The following ITGB6 variants were observed in gnomAD, a reference collection of about 807,000 sequenced individuals.
ITGB6 encodes the protein integrin subunit beta 6.
A neutral mutation model predicts 84.5 loss-of-function variants in ITGB6; 80 were observed. The ratio of observed to expected loss-of-function variants is 0.95; its 90% CI spans 0.79 to 1.14. The LOEUF (loss-of-function observed/expected upper bound fraction) is 1.14, where lower values mean the gene tolerates loss of function less well. Ranked by LOEUF, ITGB6 falls within the 50% of genes most tolerant of loss-of-function variation. The pLI, the probability that ITGB6 is intolerant of heterozygous loss-of-function variation, is 0.00. For synonymous variants in ITGB6, 383 were observed against 354.9 expected (o/e 1.08, Z -0.89); for missense variants, 1,006 against 968.0 (o/e 1.04, Z -0.52).
In ITGB6 at chr2:160,137,820, T is replaced by C. The variant is rs1460296616; in HGVS notation, c.1274A>G (p.His425Arg). Residue 425 changes from histidine to arginine, a missense_variant, in exon 10 of 15, where the codon CAC becomes CGC. Coordinates refer to ENST00000283249, the MANE Select transcript of ITGB6 (RefSeq NM_000888.5). ...ASFSVTVNIP[H>R]CERRSRHIII... ...AATGTGCCTGCTTCTTCTCTCGCAGTGTGGGATATTCACAGTCACGCTGAA... is the reference window on the plus strand; with the variant it reads ...AATGTGCCTGCTTCTTCTCTCGCAGCGTGGGATATTCACAGTCACGCTGAA... 1.2e-6 allele frequency: 2 copies of C among 1,614,004 alleles called. No homozygotes were observed. The highest frequency in any genetic ancestry group is 1.7e-6 in the Non-Finnish European group (2 of 1,180,006).
At chr2:160,131,579 GACCATTTGTTA>G (rs1256329393) in intron 10 of ITGB6, among the ~76,000 whole-genome samples, 2 of 152,218 alleles carry the variant, frequency 1.3e-5, no homozygotes, top group East Asian at 3.9e-4. Flanking sequence ...GGTACTCCAT[GACCATTTGTTA>G]ACCATTTGTT....
intron 10 of ITGB6, among the ~76,000 whole-genome samples, chr2:160,132,731 T>C (rs1215819967): frequency 6.6e-6 from 1 of 151,658 alleles, no homozygotes; most frequent in Non-Finnish European, 1.5e-5. Context: ...TATGTGTGCA[T>C]ATATATATAA....
intron 5 of ITGB6, among the ~76,000 whole-genome samples, chr2:160,173,586 T>C (rs958679171): frequency 6.6e-6 from 1 of 152,260 alleles, no homozygotes; most frequent in Non-Finnish European, 1.5e-5. Flanking sequence ...ACAATAGCTA[T>C]GTAGTCATAT....
chr2:160,112,655 A>G (rs980123467), intron 12 of ITGB6, among the ~76,000 whole-genome samples: 7 of 152,234 alleles, frequency 4.6e-5, no homozygotes. Context: ...ATTGCTGGCC[A>G]TGTATTGTGG....
chr2:160,146,424 G>A (rs1684190210), intron 7 of ITGB6, among the ~76,000 whole-genome samples: 1 of 151,954 alleles, frequency 6.6e-6, no homozygotes, highest in Non-Finnish European at 1.5e-5. Flanking sequence ...TTTATTTTAT[G>A]CTCACAGCAC....
intron 6 of ITGB6, among the ~76,000 whole-genome samples, chr2:160,169,817 T>C (rs1285397369): frequency 6.6e-6 from 1 of 152,216 alleles, no homozygotes; most frequent in East Asian, 1.9e-4. Context: ...GTACTAATCC[T>C]TGGGTTTGGT....
At position 160,112,051 on chromosome 2, in the gene ITGB6, C is replaced by T. The variant is rs1682541735; in HGVS notation, c.2101+29G>A. Reference sequence around the variant, plus strand: ...CTCTTCTCCTGTGTAGTATCATTTGCCATCGGCAATGGAAGGCAAAACACC... The same window carrying T: ...CTCTTCTCCTGTGTAGTATCATTTGTCATCGGCAATGGAAGGCAAAACACC... On this transcript the variant is annotated intron_variant, in intron 13 of 14. Coordinates refer to ENST00000283249, the MANE Select transcript of ITGB6 (RefSeq NM_000888.5). 14 of 1,608,812 alleles carry T rather than the reference C, an allele frequency of 8.7e-6. No homozygotes were observed. In the East Asian group the frequency reaches 2.7e-4, roughly 31 times the overall value.
chr2:160,120,687 A>G lies in ITGB6; in HGVS notation c.1981+3104T>C, dbSNP rs1343791764. ...TATAATTAAAAAAAAAAAAAAAAAA[A>G]AAAGAAAATGTGGCACACATACACC... On this transcript the variant is annotated intron_variant, in intron 12 of 14. Coordinates refer to ENST00000283249, the MANE Select transcript of ITGB6 (RefSeq NM_000888.5). 6.3e-4 allele frequency among the ~76,000 whole-genome samples: 26 copies of G among 41,220 alleles called. 9 individuals carry two copies. The highest frequency in any genetic ancestry group is 1.1e-3 in the South Asian group (2 of 1,890). The allele number at this position is 41,220 out of a possible 152,430, so 27.0% of individuals were successfully genotyped here.
chr2:160,135,044 G>T (rs1463873735), intron 10 of ITGB6, among the ~76,000 whole-genome samples: 7 of 152,206 alleles, frequency 4.6e-5, no homozygotes, highest in Admixed American at 3.3e-4. Context: ...AGTGTTGGAA[G>T]TTCTGGTCAG....
At chr2:160,108,666 G>T (rs903865064) in intron 13 of ITGB6, among the ~76,000 whole-genome samples, 1 of 152,142 alleles carries the variant, frequency 6.6e-6, no homozygotes, top group Admixed American at 6.6e-5. Flanking sequence ...GATTCAGTGG[G>T]TCTTGGATAA....
In ITGB6 at chr2:160,175,681, T is replaced by G. The variant is rs1308265476; in HGVS notation, c.594-1542A>C. Among the ~76,000 whole-genome samples the G allele has an allele frequency of 4.6e-5, 7 of 152,346 alleles. No homozygotes were observed. In the South Asian group the frequency reaches 1.4e-3, roughly 32 times the overall value. On this transcript the variant is annotated intron_variant, in intron 4 of 14. Coordinates refer to ENST00000283249, the MANE Select transcript of ITGB6 (RefSeq NM_000888.5). ...GAAAATAAGCTGTGTGAGACAAGCT[T>G]CATTCAGGCATGAGTTATAGTGCCT... is the stretch of plus-strand genomic sequence containing the variant.
intron 12 of ITGB6, among the ~76,000 whole-genome samples, chr2:160,122,930 C>T (rs1683098564): frequency 6.6e-6 from 1 of 152,202 alleles, no homozygotes; most frequent in South Asian, 2.1e-4. Flanking sequence ...TGAGCTACAT[C>T]TTGGCCACAT....
intron 2 of ITGB6, among the ~76,000 whole-genome samples, chr2:160,198,747 A>G (rs1003572803): frequency 5.9e-5 from 9 of 152,238 alleles, no homozygotes; most frequent in African/African-American, 2.2e-4. Flanking sequence ...CACATCCCTT[A>G]GAATCTAGCA....
intron 7 of ITGB6, among the ~76,000 whole-genome samples, chr2:160,160,990 G>A (rs1328305772): frequency 1.2e-4 from 19 of 152,034 alleles, no homozygotes. Flanking sequence ...TCACCAAAGG[G>A]GCAATTTCAG....
chr2:160,154,905 C>A (rs955456377), intron 7 of ITGB6, among the ~76,000 whole-genome samples: 1 of 152,140 alleles, frequency 6.6e-6, no homozygotes, highest in African/African-American at 2.4e-5. Context: ...ATTGTAATCC[C>A]CAATGTTGGA....
At chr2:160,134,625 T>C (rs191213707) in intron 10 of ITGB6, among the ~76,000 whole-genome samples, 2 of 152,304 alleles carry the variant, frequency 1.3e-5, no homozygotes, top group Non-Finnish European at 2.9e-5. Flanking sequence ...TAGACGAATA[T>C]CCCTGATGAA....
At chr2:160,167,748 G>T (rs944132013) in intron 7 of ITGB6, among the ~76,000 whole-genome samples, 3 of 152,122 alleles carry the variant, frequency 2.0e-5, no homozygotes, top group Non-Finnish European at 4.4e-5. Context: ...TTGGGGAGAC[G>T]TATAAATGAG....
chr2:160,112,349 T>A (rs1574038595), intron 12 of ITGB6, 150 bp from the exon 13 acceptor site: 2 of 718,052 alleles, frequency 2.8e-6, no homozygotes, highest in South Asian at 3.8e-5. Flanking sequence ...TTTTTTCTCA[T>A]GAAGTGAGGT....
intron 14 of ITGB6, among the ~76,000 whole-genome samples, chr2:160,104,615 G>C (rs547909996): frequency 4.6e-5 from 7 of 152,094 alleles, no homozygotes; most frequent in African/African-American, 1.7e-4. Context: ...CTTAATGATC[G>C]CCCAACTGCC....
Sources: gnomAD v4.1 joint callset for allele counts (sites outside exome capture counted in the v4.1 genomes callset) on GRCh38, gnomAD v4.1.1 for gene constraint, MANE v1.5 for transcripts, NCBI Gene and HGNC (gene_info 2026-07-23, HGNC 2026-07-21) for gene names.